GALNT8: variants seen among roughly 807,000 people sequenced by gnomAD.
GALNT8 encodes the protein polypeptide N-acetylgalactosaminyltransferase 8.
A neutral mutation model predicts 62.7 loss-of-function variants in GALNT8; 66 were observed. The ratio of observed to expected loss-of-function variants is 1.05; its 90% CI spans 0.86 to 1.29. GALNT8 has a LOEUF of 1.29. Among genes scored for constraint, GALNT8 ranks in the 50% most tolerant of loss-of-function variants. GALNT8 has a pLI of 0.00. For synonymous variants in GALNT8, 288 were observed against 294.3 expected, an observed-to-expected ratio of 0.98 and a Z score of 0.22; for missense variants, 771 against 791.8, an observed-to-expected ratio of 0.97 and a Z score of 0.32.
chr12:4,765,126 C>T (rs754793612), intron 9 of GALNT8, among the ~76,000 whole-genome samples: 5 of 152,084 alleles, frequency 3.3e-5, no homozygotes, highest in Non-Finnish European at 7.4e-5. Context: ...AGACAAGCTT[C>T]TTCATCCATG....
At chr12:4,743,625 A>G (rs1222515957) in intron 3 of GALNT8, among the ~76,000 whole-genome samples, 1 of 152,186 alleles carries the variant, frequency 6.6e-6, no homozygotes, top group Admixed American at 6.5e-5. Flanking sequence ...TGGTGGCTAA[A>G]CACAGCATAG....
rs528879485 is a variant in GALNT8 at position 4,749,317 on chromosome 12, G to A, written c.1173+3059G>A. On this transcript the variant is annotated intron_variant, in intron 6 of 10. Transcript: ENST00000252318. The surrounding 1 kb of genome is among the most constrained non-coding windows in gnomAD (Gnocchi z 4.1). ...GAGGAAAGGCTTTCAGTTATGTTAA[G>A]GTATGTTTCTTCTATACTTAGTTTT... Among the ~76,000 whole-genome samples, 4 of 151,862 alleles carry A rather than the reference G, an allele frequency of 2.6e-5. No individual in the cohort carries two copies. The highest frequency in any genetic ancestry group is 9.6e-5 in the African/African-American group (4 of 41,494).
At chr12:4,738,822 A>C (rs1300647614) in intron 2 of GALNT8, among the ~76,000 whole-genome samples, 1 of 152,126 alleles carries the variant, frequency 6.6e-6, no homozygotes, top group African/African-American at 2.4e-5. Flanking sequence ...AGAACATGGG[A>C]AAAGGGCTGT....
rs534928510 is a variant in GALNT8, at chr12:4,761,468, A to G, written c.1359+325A>G. 1.8e-4 allele frequency among the ~76,000 whole-genome samples: 28 copies of G among 152,312 alleles called. No homozygotes were observed. The South Asian group carries it at 5.8e-3, about 32-fold the overall frequency. ...AAGGTAATGCAGGGAGTAAGATTCAAACCAAGGAAATCTGGCTTCTAAGTT... is the reference window on the plus strand; with the variant it reads ...AAGGTAATGCAGGGAGTAAGATTCAGACCAAGGAAATCTGGCTTCTAAGTT... On this transcript the variant is annotated intron_variant, in intron 7 of 10. Coordinates refer to ENST00000252318, the MANE Select transcript of GALNT8 (RefSeq NM_017417.2).
chr12:4,761,718 C>G (rs1050770286), intron 7 of GALNT8, among the ~76,000 whole-genome samples: 1 of 152,090 alleles, frequency 6.6e-6, no homozygotes, highest in Non-Finnish European at 1.5e-5. Context: ...GCCCCTGCAC[C>G]CAGCCAAGGT....
chr12:4,770,457 A>G (rs1483255562), intron 10 of GALNT8, among the ~76,000 whole-genome samples: 1 of 152,038 alleles, frequency 6.6e-6, no homozygotes, highest in African/African-American at 2.4e-5. Context: ...GGAAATAGAA[A>G]ACAGACCACT....
chr12:4,742,444 G>T (rs1591568133), intron 3 of GALNT8, among the ~76,000 whole-genome samples: 1 of 152,190 alleles, frequency 6.6e-6, no homozygotes, highest in African/African-American at 2.4e-5. Flanking sequence ...TACATGTTGA[G>T]TTTCTACCAT....
intron 3 of GALNT8, among the ~76,000 whole-genome samples, chr12:4,739,599 G>T (rs1946262111): frequency 6.6e-6 from 1 of 151,924 alleles, no homozygotes; most frequent in African/African-American, 2.4e-5. Context: ...AGTGGCAGAG[G>T]TGGGAGTTAG....
chr12:4,724,521 G>A (rs115777047), intron 1 of GALNT8, among the ~76,000 whole-genome samples: 1,576 of 152,294 alleles, frequency 0.01, 33 homozygotes, highest in African/African-American at 0.036. Flanking sequence ...AAGGAAGAAC[G>A]CAGAGGAGCT....
In GALNT8 at chr12:4,720,598, C is replaced by T. The variant is rs1388956616; in HGVS notation, c.-80C>T. The T allele has an allele frequency of 4.2e-6, 4 of 943,000 alleles. No individual in the cohort carries two copies. Among genetic ancestry groups the T allele is most frequent in the Non-Finnish European group, 7.0e-6 (4 of 572,826 alleles). 58.4% of individuals were successfully genotyped at this position (943,000 alleles called of 1,614,324 possible). A position where few individuals can be genotyped will look rare whatever the true frequency, so the allele number is the denominator to read the frequency against. ...CCTAGAACTCTCTTTCCCACAAAAG[C>T]TAGGCTGGTTCTGATTCTTAACCTG... On this transcript the variant is annotated 5_prime_UTR_variant, in exon 1 of 11. Transcript: ENST00000252318.
chr12:4,770,682 A>G (rs577795202), intron 10 of GALNT8, among the ~76,000 whole-genome samples: 1 of 152,256 alleles, frequency 6.6e-6, no homozygotes, highest in South Asian at 2.1e-4. Context: ...TGAGGAGTCC[A>G]ATTATTTGCT....
At chr12:4,728,705 C>T (rs1001085009) in intron 2 of GALNT8, among the ~76,000 whole-genome samples, 4 of 152,102 alleles carry the variant, frequency 2.6e-5, no homozygotes, top group African/African-American at 4.8e-5. Flanking sequence ...AATCCTCTTT[C>T]GTTGCTGTAT....
intron 2 of GALNT8, among the ~76,000 whole-genome samples, chr12:4,734,082 C>G (rs1350989701): frequency 2.0e-5 from 3 of 152,124 alleles, no homozygotes; most frequent in Admixed American, 6.6e-5. Flanking sequence ...TACTCTGAGC[C>G]CTTATGCACA....
At chr12:4,764,561 T>TTTTG (rs1946389667) in intron 9 of GALNT8, among the ~76,000 whole-genome samples, 1 of 117,258 alleles carries the variant, frequency 8.5e-6, no homozygotes. Flanking sequence ...TTTTTTTTTT[T>TTTTG]GAGACAGAGT....
At chr12:4,765,866 C>T (rs1454053356) in intron 10 of GALNT8, among the ~76,000 whole-genome samples, 1 of 152,166 alleles carries the variant, frequency 6.6e-6, no homozygotes, top group East Asian at 1.9e-4. Context: ...CCTCTGCCTC[C>T]CAGGTCCTGG....
intron 10 of GALNT8, among the ~76,000 whole-genome samples, chr12:4,766,153 C>T (rs1188308386): frequency 1.3e-5 from 2 of 152,072 alleles, no homozygotes; most frequent in East Asian, 3.9e-4. Context: ...TTCTTGTGGC[C>T]CCGTGTAGGG....
At chr12:4,743,615 T>C (rs1197949964) in intron 3 of GALNT8, among the ~76,000 whole-genome samples, 1 of 152,188 alleles carries the variant, frequency 6.6e-6, no homozygotes, top group Admixed American at 6.5e-5. Context: ...CACGGTGTTC[T>C]GGTGGCTAAA....
Position 4,720,675 on chromosome 12 carries a change from A to G in GALNT8, c.-3A>G. 2 of 1,598,620 alleles carry G rather than the reference A, an allele frequency of 1.3e-6. No individual in the cohort carries two copies. Among genetic ancestry groups the G allele is most frequent in the Admixed American group, 1.7e-5 (1 of 60,010 alleles). On this transcript the variant is annotated 5_prime_UTR_variant, in exon 1 of 11. Transcript: ENST00000252318. ...CAGGGAGTGGACGACCCCCAGGAAG[A>G]AGATGATGTTTTGGAGGAAACTCCC... is the stretch of plus-strand genomic sequence containing the variant.
At chr12:4,743,951 G>A (rs1946283496) in intron 3 of GALNT8, among the ~76,000 whole-genome samples, 1 of 152,196 alleles carries the variant, frequency 6.6e-6, no homozygotes. Context: ...AAAACTACCT[G>A]TAAACAATCT....
Sources: allele counts gnomAD v4.1 joint callset (sites outside exome capture counted in the v4.1 genomes callset), GRCh38; gene constraint gnomAD v4.1.1; non-coding constraint Gnocchi (gnomAD v3.1); transcripts MANE v1.5; gene names NCBI Gene and HGNC (gene_info 2026-07-23, HGNC 2026-07-21).